The following PLCL1 variants were observed in gnomAD, a reference collection of about 807,000 sequenced individuals.
PLCL1 encodes the protein inactive phospholipase C-like protein 1.
PLCL1 carries 41 observed loss-of-function variants against 84.4 expected under a neutral mutation model. The observed-to-expected ratio is 0.49, with a 90% CI of 0.38 to 0.63. The LOEUF (loss-of-function observed/expected upper bound fraction) is 0.63, where lower values mean the gene tolerates loss of function less well. PLCL1 is among the 30% of genes least tolerant of loss of function. The probability of loss-of-function intolerance (pLI) is 0.00; values close to 1 mark genes in which losing one functional copy is unlikely to be tolerated. For missense variants in PLCL1, 1,206 were observed against 1,367.8 expected (o/e 0.88, Z 1.87); for synonymous variants, 490 against 488.3 (o/e 1.00, Z -0.05).
At position 197,921,999 on chromosome 2, in the gene PLCL1, CTTTTTTTTT is replaced by C. The variant is rs34033380; in HGVS notation, c.240+116670_240+116678del. ...ACAAGTGCAGGTTGATTGATAAATTCTTTTTTTTTTTTTTTTTTAAATTTATTTTTTTAT... is the reference window on the plus strand; with the variant it reads ...ACAAGTGCAGGTTGATTGATAAATTCTTTTTTTTTAAATTTATTTTTTTAT... On this transcript the variant is annotated intron_variant, in intron 1 of 5. Coordinates refer to ENST00000428675, the MANE Select transcript of PLCL1 (RefSeq NM_006226.4). Among the ~76,000 whole-genome samples, 42 of 121,672 alleles carry C rather than the reference CTTTTTTTTT, an allele frequency of 3.5e-4. 1 individual carries two copies. The highest frequency in any genetic ancestry group is 5.2e-4 in the Non-Finnish European group (31 of 59,464). The allele number at this position is 121,672 out of a possible 152,430, so 79.8% of individuals were successfully genotyped here. A position where few individuals can be genotyped will look rare whatever the true frequency, so the allele number is the denominator to read the frequency against.
chr2:198,077,648 G>T (rs184954069), intron 1 of PLCL1, among the ~76,000 whole-genome samples: 1 of 152,050 alleles, frequency 6.6e-6, no homozygotes, highest in Non-Finnish European at 1.5e-5. Context: ...ATCCCTTTAC[G>T]GGTATAACTT....
At chr2:198,115,430 G>C (rs1693720863) in intron 5 of PLCL1, among the ~76,000 whole-genome samples, 1 of 151,814 alleles carries the variant, frequency 6.6e-6, no homozygotes, top group Non-Finnish European at 1.5e-5. Context: ...ATGGGGAAGA[G>C]GGGTTCTTTG....
chr2:198,084,289 A>T lies in PLCL1; in HGVS notation c.772A>T (p.Ile258Phe), dbSNP rs754435523. ...AGCAGCAGATGTTGATGGGAATGGG[A>T]TTATGTTGGAAGACACCTCTGTAGA... The part of the protein sequence containing the change: ...FEAADVDGNG[I>F]MLEDTSVELI... Residue 258 changes from isoleucine (I) to phenylalanine (F), a missense_variant, in exon 2 of 6, where the codon ATT becomes TTT. Transcript: ENST00000428675. 6 of 1,614,094 alleles carry T rather than the reference A, an allele frequency of 3.7e-6. No homozygotes were observed. The highest frequency in any genetic ancestry group is 5.1e-6 in the Non-Finnish European group (6 of 1,179,988).
intron 2 of PLCL1, among the ~76,000 whole-genome samples, chr2:198,087,571 G>A (rs998414487): frequency 6.6e-6 from 1 of 152,106 alleles, no homozygotes; most frequent in Non-Finnish European, 1.5e-5. Flanking sequence ...AGTATTGCAA[G>A]TTAACAGATA....
intron 1 of PLCL1, among the ~76,000 whole-genome samples, chr2:198,043,653 A>G (rs1357141899): frequency 6.6e-6 from 1 of 152,152 alleles, no homozygotes; most frequent in Non-Finnish European, 1.5e-5. Context: ...ATCTAGAACA[A>G]TGCTCCTGGA....
chr2:198,050,153 A>G (rs1196153901), intron 1 of PLCL1, among the ~76,000 whole-genome samples: 1 of 152,138 alleles, frequency 6.6e-6, no homozygotes, highest in Non-Finnish European at 1.5e-5. Flanking sequence ...GTTCTAGCTC[A>G]CAGTTGCCTG....
chr2:198,035,684 G>T (rs569553578), intron 1 of PLCL1, among the ~76,000 whole-genome samples: 1 of 152,306 alleles, frequency 6.6e-6, no homozygotes, highest in African/African-American at 2.4e-5. Flanking sequence ...AAATAGATGA[G>T]CAACTATGTA....
chr2:198,071,048 G>C, intron 1 of PLCL1: 1 of 861,364 alleles, frequency 1.2e-6, no homozygotes, highest in African/African-American at 1.8e-5. Flanking sequence ...AAGCTCTCAA[G>C]CTCTCATATT....
intron 1 of PLCL1, among the ~76,000 whole-genome samples, chr2:197,978,038 C>T (rs887109943): frequency 9.9e-5 from 15 of 152,122 alleles, no homozygotes; most frequent in African/African-American, 3.4e-4. Context: ...TAGTCTTTTC[C>T]GAATTTTGTA....
chr2:197,828,043 A>G (rs1219189442), intron 1 of PLCL1, among the ~76,000 whole-genome samples: 1 of 152,130 alleles, frequency 6.6e-6, no homozygotes, highest in Non-Finnish European at 1.5e-5. Flanking sequence ...ATAACTTGAG[A>G]TTGAATCATT....
Position 197,821,412 on chromosome 2 carries a change from T to G in PLCL1, c.240+16073T>G, listed in dbSNP as rs139802311. 3.9e-5 allele frequency among the ~76,000 whole-genome samples: 6 copies of G among 152,308 alleles called. No homozygotes were observed. The East Asian group carries it at 1.2e-3, about 29-fold the overall frequency. On this transcript the variant is annotated intron_variant, in intron 1 of 5. Transcript: ENST00000428675. Reference sequence around the variant, plus strand: ...CTGACAAAGAGATCCCTGCACATAGTGGCTCAAACAAGATAGTTTATTTCT... The same window carrying G: ...CTGACAAAGAGATCCCTGCACATAGGGGCTCAAACAAGATAGTTTATTTCT...
At chr2:198,069,847 G>C (rs906022767) in intron 1 of PLCL1, among the ~76,000 whole-genome samples, 1 of 152,236 alleles carries the variant, frequency 6.6e-6, no homozygotes, top group East Asian at 1.9e-4. Flanking sequence ...ATTTTAAGTG[G>C]CAGAGATGGG....
intron 1 of PLCL1, among the ~76,000 whole-genome samples, chr2:198,048,422 A>G (rs1691855238): frequency 6.6e-6 from 1 of 152,180 alleles, no homozygotes. Flanking sequence ...GTTGCTGTAA[A>G]AAATGCCTGA....
intron 1 of PLCL1, among the ~76,000 whole-genome samples, chr2:197,944,208 A>G (rs1176037934): frequency 1.3e-5 from 2 of 149,380 alleles, no homozygotes; most frequent in Admixed American, 6.7e-5. Context: ...ATCATTCTGC[A>G]TAAGTCTTTT....
intron 1 of PLCL1, among the ~76,000 whole-genome samples, chr2:198,081,854 CA>C (rs1692721885): frequency 6.6e-6 from 1 of 152,082 alleles, no homozygotes; most frequent in Non-Finnish European, 1.5e-5. Flanking sequence ...AATGAGGCCC[CA>C]AAGAAGATAT....
At chr2:197,972,042 G>A (rs894126180) in intron 1 of PLCL1, among the ~76,000 whole-genome samples, 1 of 152,142 alleles carries the variant, frequency 6.6e-6, no homozygotes, top group African/African-American at 2.4e-5. Context: ...TCCTCCCTGG[G>A]TTAGGCTCCA....
rs1198750039 is a variant in PLCL1 at position 198,101,377 on chromosome 2, T to A, written c.2995+17T>A. ...AGAAAGCAGGTAATTGTTTTTAATT[T>A]TTTTTTCTGTTTTTTTTTTCTATTT... On this transcript the variant is annotated intron_variant, in intron 4 of 5. Transcript: ENST00000428675. 1 of 1,346,104 alleles carries A rather than the reference T, an allele frequency of 7.4e-7. No homozygotes were observed. Among genetic ancestry groups the A allele is most frequent in the Non-Finnish European group, 1.0e-6 (1 of 966,374 alleles). 83.4% of individuals were successfully genotyped at this position (1,346,104 alleles called of 1,614,324 possible).
chr2:197,965,053 A>G (rs899495976), intron 1 of PLCL1, among the ~76,000 whole-genome samples: 27 of 152,102 alleles, frequency 1.8e-4, no homozygotes, highest in Non-Finnish European at 2.4e-4. Flanking sequence ...TTTTTGCATC[A>G]GGGTAATACT....
At chr2:198,055,674 G>T (rs1391166767) in intron 1 of PLCL1, among the ~76,000 whole-genome samples, 1 of 151,948 alleles carries the variant, frequency 6.6e-6, no homozygotes, top group African/African-American at 2.4e-5. Context: ...CAACGACATA[G>T]ATAATATAAA....
Sources: allele counts gnomAD v4.1 joint callset (sites outside exome capture counted in the v4.1 genomes callset), GRCh38; gene constraint gnomAD v4.1.1; transcripts MANE v1.5; gene names NCBI Gene and HGNC (gene_info 2026-07-23, HGNC 2026-07-21).